The following SLCO1B1 variants were observed in gnomAD, a reference collection of about 807,000 sequenced individuals.
SLCO1B1 encodes solute carrier organic anion transporter family member 1B1.
Under a neutral mutation model 70.1 loss-of-function variants are expected in SLCO1B1, and 81 were observed. That is an observed-to-expected ratio of 1.16 (90% CI 0.97 to 1.39). The LOEUF (loss-of-function observed/expected upper bound fraction) is 1.39, where lower values mean the gene tolerates loss of function less well. SLCO1B1 is among the 40% of genes most tolerant of loss of function. SLCO1B1 has a pLI of 0.00. For missense variants in SLCO1B1, 895 were observed against 799.6 expected (o/e 1.12, Z -1.44); for synonymous variants, 283 against 271.5 (o/e 1.04, Z -0.42).
Position 21,217,137 on chromosome 12 carries a change from T to G in SLCO1B1, c.1516T>G (p.Cys506Gly), listed in dbSNP as rs1941368201. 1 of 1,613,386 alleles carries G rather than the reference T, an allele frequency of 6.2e-7. No individual in the cohort carries two copies. The highest frequency in any genetic ancestry group is 1.7e-5 in the Admixed American group (1 of 60,012). Residue 506 changes from cysteine to glycine, a missense_variant, in exon 12 of 15, where the codon TGT becomes GGT. Cys to Gly is a radical substitution (Grantham distance 159). Transcript: ENST00000256958. Reference sequence around the variant, plus strand: ...GCTTAAGGTGTTTTACAACTGCAGTTGTTTGGAAGTAACTGGTCTCCAGAA... The same window carrying G: ...GCTTAAGGTGTTTTACAACTGCAGTGGTTTGGAAGTAACTGGTCTCCAGAA... The part of the protein sequence containing the change: ...KKPIVFYNCS[C>G]LEVTGLQNRN...
Position 21,217,127 on chromosome 12 carries a change from C to A in SLCO1B1, c.1506C>A (p.Tyr502Ter), listed in dbSNP as rs1941368011. The change falls in exon 12 of 15, where the codon TAC becomes TAA. Residue 502 changes from tyrosine to a stop codon, truncating the protein, a stop_gained. Coordinates refer to ENST00000256958, the MANE Select transcript of SLCO1B1 (RefSeq NM_006446.5). LOFTEE classifies it high-confidence loss of function. ...TATACACAACGCTTAAGGTGTTTTA[C>A]AACTGCAGTTGTTTGGAAGTAACTG... The part of the protein sequence containing the change: ...SSGNKKPIVF[Y>*]NCSCLEVTGL... 2.5e-6 allele frequency: 4 copies of A among 1,612,816 alleles called. No homozygotes were observed. The highest frequency in any genetic ancestry group is 3.4e-6 in the Non-Finnish European group (4 of 1,179,466).
intron 11 of SLCO1B1, among the ~76,000 whole-genome samples, chr12:21,214,371 CTCAGGGG>C (rs1250030249): frequency 6.7e-6 from 1 of 150,338 alleles, no homozygotes; most frequent in African/African-American, 2.5e-5. Context: ...AGTTAGGCTG[CTCAGGGG>C]TCAGGGGTCA....
intron 11 of SLCO1B1, among the ~76,000 whole-genome samples, chr12:21,208,903 T>C (rs1179944019): frequency 6.6e-6 from 1 of 152,004 alleles, no homozygotes; most frequent in Non-Finnish European, 1.5e-5. Flanking sequence ...TGGAATTGCA[T>C]TATTGATTTG....
At chr12:21,161,250 G>A (rs572633174) in intron 2 of SLCO1B1, among the ~76,000 whole-genome samples, 1 of 152,240 alleles carries the variant, frequency 6.6e-6, no homozygotes, top group South Asian at 2.1e-4. Flanking sequence ...AGCAAAGAAA[G>A]ACATGGAATT....
At chr12:21,209,178 A>C (rs150422373) in intron 11 of SLCO1B1, among the ~76,000 whole-genome samples, 3,001 of 152,000 alleles carry the variant, frequency 0.02, 92 homozygotes, top group African/African-American at 0.069. Context: ...ATCTAGCATT[A>C]GGTATATCTC....
chr12:21,191,546 G>T (rs1941029683), intron 7 of SLCO1B1, among the ~76,000 whole-genome samples: 2 of 151,536 alleles, frequency 1.3e-5, no homozygotes, highest in Admixed American at 1.3e-4. Context: ...TCATCTTTAG[G>T]GTTTTCTATA....
Position 21,174,577 on chromosome 12 carries a change from G to C in SLCO1B1, c.227G>C (p.Gly76Ala). 1 of 1,613,194 alleles carries C rather than the reference G, an allele frequency of 6.2e-7. No homozygotes were observed. Among genetic ancestry groups the C allele is most frequent in the Non-Finnish European group, 8.5e-7 (1 of 1,179,582 alleles). Reference protein sequence around the residue: ...VGFIDGSFEIGNLLVIVFVSY... With the variant: ...VGFIDGSFEIANLLVIVFVSY... ...CAACATAATTTTGTTCCCTTTCTAG[G>C]AAATTTGCTTGTGATTGTATTTGTG... Residue 76 changes from glycine (G) to alanine (A), a missense_variant and splice_region_variant, in exon 4 of 15, where the codon GGA becomes GCA. By Grantham distance (60) the Gly-to-Ala change is moderately conservative. Transcript: ENST00000256958.
intron 2 of SLCO1B1, among the ~76,000 whole-genome samples, chr12:21,166,008 GA>G (rs554374583): frequency 2.5e-4 from 36 of 143,004 alleles, no homozygotes; most frequent in Non-Finnish European, 3.7e-4. Flanking sequence ...GAAGCAGAAA[GA>G]AAAAAAAAAC....
At chr12:21,138,173 G>C (rs1264790869) in intron 1 of SLCO1B1, among the ~76,000 whole-genome samples, 3 of 152,144 alleles carry the variant, frequency 2.0e-5, no homozygotes, top group Admixed American at 6.6e-5. Context: ...CTCCTCAGTT[G>C]CATAAGTACA....
At chr12:21,223,241 C>A (rs1386100228) in intron 13 of SLCO1B1, among the ~76,000 whole-genome samples, 1 of 152,062 alleles carries the variant, frequency 6.6e-6, no homozygotes, top group Non-Finnish European at 1.5e-5. Flanking sequence ...TTCGATGTAT[C>A]CAATCTGTGG....
rs148286099 is a variant in SLCO1B1, at chr12:21,209,055, A to T, written c.1497+3022A>T. On this transcript the variant is annotated intron_variant, in intron 11 of 14. Transcript: ENST00000256958. Reference sequence around the variant, plus strand: ...ATTTAGGGTTTTTTTTTAATTAATTAATTTATTTATTTTTAATTATACTTT... The same window carrying T: ...ATTTAGGGTTTTTTTTTAATTAATTTATTTATTTATTTTTAATTATACTTT... Among the ~76,000 whole-genome samples, 3,181 of 150,334 alleles carry T rather than the reference A, an allele frequency of 0.021. 269 individuals carry two copies. The East Asian group carries it at 0.28, about 13-fold the overall frequency.
At chr12:21,207,300 A>G (rs937703342) in intron 11 of SLCO1B1, among the ~76,000 whole-genome samples, 1 of 151,428 alleles carries the variant, frequency 6.6e-6, no homozygotes, top group Non-Finnish European at 1.5e-5. Context: ...TTATCTCTCC[A>G]CTCTAGTAGT....
chr12:21,191,826 T>A (rs1200503780), intron 7 of SLCO1B1, among the ~76,000 whole-genome samples: 2 of 152,148 alleles, frequency 1.3e-5, no homozygotes, highest in African/African-American at 4.8e-5. Context: ...AAAGTTTTTA[T>A]CACAAAACAT....
chr12:21,226,007 G>A (rs1323037851), intron 14 of SLCO1B1, among the ~76,000 whole-genome samples: 1 of 152,116 alleles, frequency 6.6e-6, no homozygotes, highest in African/African-American at 2.4e-5. Flanking sequence ...AGCCAAACTG[G>A]GGTATATTCA....
At chr12:21,214,787 C>G (rs898142185) in intron 11 of SLCO1B1, among the ~76,000 whole-genome samples, 5 of 152,172 alleles carry the variant, frequency 3.3e-5, no homozygotes, top group Non-Finnish European at 5.9e-5. Flanking sequence ...TTAAGCCCCT[C>G]GGAAAAGCGC....
intron 14 of SLCO1B1, among the ~76,000 whole-genome samples, chr12:21,227,474 C>T (rs1410420446): frequency 6.6e-6 from 1 of 152,090 alleles, no homozygotes; most frequent in Non-Finnish European, 1.5e-5. Context: ...TGTAAATTCA[C>T]TATCTAAAAT....
intron 14 of SLCO1B1, among the ~76,000 whole-genome samples, chr12:21,235,276 A>G (rs1487184666): frequency 6.6e-6 from 1 of 151,752 alleles, no homozygotes; most frequent in Non-Finnish European, 1.5e-5. Context: ...GTTGAATTAA[A>G]TGCTTTATCA....
chr12:21,207,227 A>G (rs1405466825), intron 11 of SLCO1B1, among the ~76,000 whole-genome samples: 1 of 151,974 alleles, frequency 6.6e-6, no homozygotes, highest in African/African-American at 2.4e-5. Context: ...GGGTACAATC[A>G]TTCCCATCCC....
intron 10 of SLCO1B1, 61 bp downstream of exon 10, chr12:21,202,747 T>C: frequency 7.9e-7 from 1 of 1,272,016 alleles, no homozygotes; most frequent in Non-Finnish European, 1.1e-6. Flanking sequence ...AGAGTCTCTG[T>C]ATAAGTAATA....
Sources: allele counts gnomAD v4.1 joint callset (sites outside exome capture counted in the v4.1 genomes callset), GRCh38; gene constraint gnomAD v4.1.1; transcripts MANE v1.5; gene names NCBI Gene and HGNC (gene_info 2026-07-23, HGNC 2026-07-21).